OLFML1: variants seen among roughly 807,000 people sequenced by gnomAD.
OLFML1 encodes olfactomedin like 1.
A neutral mutation model predicts 37.3 loss-of-function variants in OLFML1; 33 were observed. That is an observed-to-expected ratio of 0.88 (90% CI 0.67 to 1.18). The LOEUF (loss-of-function observed/expected upper bound fraction) is 1.18, where lower values mean the gene tolerates loss of function less well. OLFML1 is among the 50% of genes most tolerant of loss of function. The probability of loss-of-function intolerance (pLI) is 0.00; values close to 1 mark genes in which losing one functional copy is unlikely to be tolerated. For missense variants in OLFML1, 545 were observed against 483.7 expected (o/e 1.13, Z -1.19); for synonymous variants, 186 against 181.3 (o/e 1.03, Z -0.21).
chr11:7,491,970 C>T (rs766488072), intron 2 of OLFML1, among the ~76,000 whole-genome samples: 6 of 152,188 alleles, frequency 3.9e-5, no homozygotes, highest in Admixed American at 2.6e-4. Context: ...TCAAAATCAA[C>T]TGATTTGGAA....
chr11:7,491,165 C>G (rs918118585), intron 2 of OLFML1, among the ~76,000 whole-genome samples: 1 of 151,216 alleles, frequency 6.6e-6, no homozygotes, highest in African/African-American at 2.4e-5. Context: ...TCCTAGCAAT[C>G]CTTTATGACT....
intron 2 of OLFML1, among the ~76,000 whole-genome samples, chr11:7,496,060 G>A (rs1292024795): frequency 1.3e-5 from 2 of 152,202 alleles, no homozygotes; most frequent in African/African-American, 4.8e-5. Flanking sequence ...GGTCCATAGG[G>A]TGGCTGGGTA....
At chr11:7,506,374 G>A (rs1435186500) in intron 2 of OLFML1, among the ~76,000 whole-genome samples, 1 of 152,224 alleles carries the variant, frequency 6.6e-6, no homozygotes, top group Non-Finnish European at 1.5e-5. Flanking sequence ...AGATGTGTGT[G>A]AGGGTAGCGA....
At position 7,509,989 on chromosome 11, in the gene OLFML1, G is replaced by A; in HGVS notation, c.1010G>A (p.Gly337Asp). Residue 337 changes from glycine (G) to aspartate (D), a missense_variant, in exon 3 of 3, where the codon GGC becomes GAC. Physicochemically the swap from Gly to Asp is moderately conservative, Grantham distance 94. Coordinates refer to ENST00000329293, the MANE Select transcript of OLFML1 (RefSeq NM_198474.4). ...LYVVYSTGGQ[G>D]PHRITCIYDP... Reference sequence around the variant, plus strand: ...GTGGTCTACAGTACTGGGGGCCAGGGCCCTCATCGCATCACCTGCATCTAT... The same window carrying A: ...GTGGTCTACAGTACTGGGGGCCAGGACCCTCATCGCATCACCTGCATCTAT... 1.9e-6 allele frequency: 3 copies of A among 1,614,240 alleles called. No individual in the cohort carries two copies. Among genetic ancestry groups the A allele is most frequent in the Non-Finnish European group, 1.7e-6 (2 of 1,180,046 alleles).
Position 7,488,208 on chromosome 11 carries a change from C to A in OLFML1, c.211C>A (p.Leu71Met). The change falls in exon 2 of 3, where the codon CTG becomes ATG. Residue 71 changes from leucine (L) to methionine (M), a missense_variant. Transcript: ENST00000329293. ...GTTCTCAAAAAATATATCTGTCATG[C>A]TGGGAAGATGTCAGACCTACACAAG... Reference protein sequence around the residue: ...QEFSKNISVMLGRCQTYTSEY... With the variant: ...QEFSKNISVMMGRCQTYTSEY... 3 of 1,613,164 alleles carry A rather than the reference C, an allele frequency of 1.9e-6. No individual in the cohort carries two copies. The highest frequency in any genetic ancestry group is 2.5e-6 in the Non-Finnish European group (3 of 1,179,340).
chr11:7,486,034 TA>T, intron 1 of OLFML1, 30 bp downstream of exon 1: 1 of 1,602,706 alleles, frequency 6.2e-7, no homozygotes. Context: ...CTTGGATAAG[TA>T]ACAGGCTTCC....
rs1017424098 is a variant in OLFML1 at position 7,488,253 on chromosome 11, G to T, written c.256G>T (p.Gly86Cys). Residue 86 changes from glycine (G) to cysteine (C), a missense_variant, in exon 2 of 3, where the codon GGT (glycine) becomes TGT (cysteine). By Grantham distance (159) the Gly-to-Cys change is radical. Coordinates refer to ENST00000329293, the MANE Select transcript of OLFML1 (RefSeq NM_198474.4). The stretch of plus-strand genomic sequence containing the variant: ...CACAAGTGAGTACAAGAGTGCAGTG[G>T]GTAACTTGGCACTGAGAGTTGAACG... The part of the protein sequence containing the change: ...TYTSEYKSAV[G>C]NLALRVERAQ... 2.5e-6 allele frequency: 4 copies of T among 1,613,934 alleles called. 1 individual carries two copies. Among genetic ancestry groups the T allele is most frequent in the Non-Finnish European group, 3.4e-6 (4 of 1,180,010 alleles).
intron 2 of OLFML1, among the ~76,000 whole-genome samples, chr11:7,492,508 T>A (rs1400175929): frequency 6.6e-6 from 1 of 152,206 alleles, no homozygotes; most frequent in Non-Finnish European, 1.5e-5. Context: ...ATCTTAATGG[T>A]TCTCACTTAT....
chr11:7,487,516 T>C (rs1848538656), intron 1 of OLFML1, among the ~76,000 whole-genome samples: 1 of 152,268 alleles, frequency 6.6e-6, no homozygotes, highest in African/African-American at 2.4e-5. Flanking sequence ...TTCCATTCAT[T>C]TATTCTTTTG....
At chr11:7,487,999 G>C in intron 1 of OLFML1, 128 bp from the exon 2 acceptor site, 1 of 654,028 alleles carries the variant, frequency 1.5e-6, no homozygotes, top group Non-Finnish European at 2.5e-6. Flanking sequence ...AATTATGGGA[G>C]ATTTCAATTT....
chr11:7,503,371 T>C (rs1848745556), intron 2 of OLFML1, among the ~76,000 whole-genome samples: 1 of 152,036 alleles, frequency 6.6e-6, no homozygotes, highest in Non-Finnish European at 1.5e-5. Context: ...GTGAGGGGGA[T>C]ATCCCAGAAT....
At chr11:7,494,535 G>C (rs559767200) in intron 2 of OLFML1, among the ~76,000 whole-genome samples, 1 of 152,340 alleles carries the variant, frequency 6.6e-6, no homozygotes, top group South Asian at 2.1e-4. Context: ...ACAACTAATA[G>C]ATGGCAGAGC....
intron 2 of OLFML1, among the ~76,000 whole-genome samples, chr11:7,493,314 A>C (rs1360744283): frequency 6.6e-6 from 1 of 152,224 alleles, no homozygotes; most frequent in Non-Finnish European, 1.5e-5. Context: ...CCCATATTCA[A>C]AACCATTAAA....
chr11:7,488,184 T>A lies in OLFML1; in HGVS notation c.187T>A (p.Phe63Ile). The change falls in exon 2 of 3, where the codon TTC becomes ATC. Residue 63 changes from phenylalanine to isoleucine, a missense_variant. Phe to Ile is a conservative substitution (Grantham distance 21). Transcript: ENST00000329293. ...TRAYIQEFQE[F>I]SKNISVMLGR... ...GGCATACATTCAAGAATTCCAAGAG[T>A]TCTCAAAAAATATATCTGTCATGCT... The A allele has an allele frequency of 6.2e-7, 1 of 1,613,570 alleles. No individual in the cohort carries two copies. Among genetic ancestry groups the A allele is most frequent in the Non-Finnish European group, 8.5e-7 (1 of 1,179,770 alleles).
chr11:7,497,654 T>C (rs1233779790), intron 2 of OLFML1, among the ~76,000 whole-genome samples: 1 of 152,232 alleles, frequency 6.6e-6, no homozygotes, highest in Non-Finnish European at 1.5e-5. Flanking sequence ...TGAAAAGCCA[T>C]GTGTCAAGTC....
chr11:7,488,852 G>A (rs1051246886), intron 2 of OLFML1: 1 of 163,254 alleles, frequency 6.1e-6, no homozygotes, highest in African/African-American at 2.4e-5. Context: ...CCTCAGGGAT[G>A]GGAACTGCAG....
chr11:7,495,382 C>T (rs1433870225), intron 2 of OLFML1, among the ~76,000 whole-genome samples: 1 of 152,134 alleles, frequency 6.6e-6, no homozygotes, highest in East Asian at 1.9e-4. Flanking sequence ...ACCTGACCCC[C>T]GCCAGCCTAG....
At chr11:7,497,821 A>G (rs980508238) in intron 2 of OLFML1, among the ~76,000 whole-genome samples, 14 of 152,340 alleles carry the variant, frequency 9.2e-5, no homozygotes, top group African/African-American at 3.4e-4. Context: ...ACCAACATAT[A>G]AAGCACTTAT....
chr11:7,488,512 A>G, intron 2 of OLFML1, 97 bp downstream of exon 2: 2 of 976,674 alleles, frequency 2.0e-6, no homozygotes, highest in Non-Finnish European at 3.0e-6. Flanking sequence ...GAGTAATGAG[A>G]GTAAGAATTG....
Sources: gnomAD v4.1 joint callset for allele counts (sites outside exome capture counted in the v4.1 genomes callset) on GRCh38, gnomAD v4.1.1 for gene constraint, MANE v1.5 for transcripts, NCBI Gene and HGNC (gene_info 2026-07-23, HGNC 2026-07-21) for gene names.